RNLS: variants seen among roughly 807,000 people sequenced by gnomAD.
RNLS encodes the protein renalase.
RNLS carries 39 observed loss-of-function variants against 39.8 expected under a neutral mutation model. The ratio of observed to expected loss-of-function variants is 0.98; its 90% CI spans 0.76 to 1.28. The LOEUF is 1.28. Among genes scored for constraint, RNLS ranks in the 50% most tolerant of loss-of-function variants. The pLI is 0.00. For missense variants in RNLS, 410 were observed against 413.3 expected (o/e 0.99, Z 0.07); for synonymous variants, 147 against 150.7 (o/e 0.98, Z 0.18).
chr10:88,461,897 A>G (rs1285383085), intron 4 of RNLS, among the ~76,000 whole-genome samples: 2 of 152,116 alleles, frequency 1.3e-5, no homozygotes, highest in African/African-American at 4.8e-5. Flanking sequence ...AAATTACATC[A>G]TCATGAAAAA....
intron 4 of RNLS, among the ~76,000 whole-genome samples, chr10:88,366,227 C>G (rs916972646): frequency 2.0e-5 from 3 of 152,034 alleles, no homozygotes; most frequent in Non-Finnish European, 2.9e-5. Context: ...TATGTGTTAC[C>G]TCTGAGGATT....
At chr10:88,223,613 C>G in the RNLS span, among the ~76,000 whole-genome samples, 1 of 152,110 alleles carries the variant, frequency 6.6e-6, no homozygotes, top group Non-Finnish European at 1.5e-5. Context: ...ACATGTTGCC[C>G]TTTAAATAAA....
rs192541311 is a variant in RNLS at position 88,489,662 on chromosome 10, G to A, written c.526+83241C>T. 1.2e-3 allele frequency among the ~76,000 whole-genome samples: 188 copies of A among 152,288 alleles called. 1 individual carries two copies. The highest frequency in any genetic ancestry group is 4.3e-3 in the African/African-American group (178 of 41,550). ...CACAAGAACAGATACCTCCTGCAGA[G>A]AGGGCCACATCAATGCATCAGTCCT... On this transcript the variant is annotated intron_variant, in intron 4 of 6. Transcript: ENST00000331772.
At chr10:88,364,340 T>C (rs1849879087) in intron 4 of RNLS, among the ~76,000 whole-genome samples, 1 of 152,154 alleles carries the variant, frequency 6.6e-6, no homozygotes, top group Non-Finnish European at 1.5e-5. Context: ...GGAAAGGGAT[T>C]CAATAAATTA....
chr10:88,217,738 G>GAAAAA, the RNLS span, among the ~76,000 whole-genome samples: 3 of 97,586 alleles, frequency 3.1e-5, no homozygotes, highest in African/African-American at 4.4e-5. Flanking sequence ...GCCTTCAAAT[G>GAAAAA]AAAAAAAAAA....
intron 5 of RNLS, among the ~76,000 whole-genome samples, chr10:88,347,562 T>C (rs1848391960): frequency 6.6e-6 from 1 of 152,150 alleles, no homozygotes; most frequent in African/African-American, 2.4e-5. Context: ...AAGTTCATCC[T>C]AGATATTCCA....
At chr10:88,265,518 G>C in the RNLS span, among the ~76,000 whole-genome samples, 1 of 151,890 alleles carries the variant, frequency 6.6e-6, no homozygotes, top group African/African-American at 2.4e-5. Context: ...TGTTGTCTAT[G>C]ACTTCTTTCA....
intron 4 of RNLS, among the ~76,000 whole-genome samples, chr10:88,406,599 G>A (rs1046243375): frequency 6.6e-6 from 1 of 151,970 alleles, no homozygotes; most frequent in Non-Finnish European, 1.5e-5. Context: ...CTTCTACACT[G>A]CTGGAGGGAA....
At chr10:88,321,037 T>C (rs1037879822) in intron 5 of RNLS, among the ~76,000 whole-genome samples, 8 of 151,844 alleles carry the variant, frequency 5.3e-5, no homozygotes, top group Non-Finnish European at 1.2e-4. Flanking sequence ...TAAAATTGAC[T>C]ATATGATTGG....
At chr10:88,545,380 T>G (rs1306014977) in intron 4 of RNLS, 3 of 448,666 alleles carry the variant, frequency 6.7e-6, no homozygotes, top group Non-Finnish European at 1.3e-5. Context: ...AGAGGTTTAA[T>G]GGACTCACAG....
downstream of RNLS, among the ~76,000 whole-genome samples, chr10:88,279,713 G>A (rs1412464081): frequency 6.6e-6 from 1 of 152,154 alleles, no homozygotes; most frequent in African/African-American, 2.4e-5. Context: ...TTTGCATTCA[G>A]CACATATGGT....
At chr10:88,285,865 G>A (rs75497967) in intron 6 of RNLS, among the ~76,000 whole-genome samples, 6,252 of 152,100 alleles carry the variant, frequency 0.041, 169 homozygotes, top group Non-Finnish European at 0.064. Flanking sequence ...GATATTAGAA[G>A]GTGGGGCATT....
At chr10:88,428,996 A>G (rs560044022) in intron 4 of RNLS, among the ~76,000 whole-genome samples, 1 of 152,032 alleles carries the variant, frequency 6.6e-6, no homozygotes, top group Admixed American at 6.6e-5. Flanking sequence ...AAGGCTTACT[A>G]AGTAATATTC....
the RNLS span, among the ~76,000 whole-genome samples, chr10:88,249,844 C>T: frequency 1.3e-4 from 20 of 152,266 alleles, no homozygotes; most frequent in Middle Eastern, 3.4e-3. Flanking sequence ...CTGTAAGTTG[C>T]GATAGTCCCA....
Position 88,284,516 on chromosome 10 carries a change from T to A in RNLS, c.*838A>T, listed in dbSNP as rs1048105330. The stretch of plus-strand genomic sequence containing the variant: ...TATTTTAAGTGCATCTATTTTCTGG[T>A]TCAGTAAATTTTTTGTTGTGTTAAA... On this transcript the variant is annotated 3_prime_UTR_variant, in exon 7 of 7. Transcript: ENST00000331772. The A allele has an allele frequency of 9.1e-6, 9 of 985,206 alleles. No homozygotes were observed. The highest frequency in any genetic ancestry group is 1.1e-5 in the Non-Finnish European group (9 of 829,906). 61.0% of individuals were successfully genotyped at this position (985,206 alleles called of 1,614,324 possible).
intron 4 of RNLS, among the ~76,000 whole-genome samples, chr10:88,423,489 T>C (rs560779123): frequency 3.9e-5 from 6 of 152,350 alleles, no homozygotes; most frequent in South Asian, 2.1e-4. Context: ...TGAAGGAATA[T>C]TGACCAAGAG....
At chr10:88,499,898 C>G (rs1845377852) in intron 4 of RNLS, among the ~76,000 whole-genome samples, 2 of 152,260 alleles carry the variant, frequency 1.3e-5, no homozygotes, top group East Asian at 3.9e-4. Flanking sequence ...AGTCTAAAGA[C>G]AAGTGTCAAA....
intron 6 of RNLS, among the ~76,000 whole-genome samples, chr10:88,278,759 A>C (rs1468522649): frequency 6.6e-6 from 1 of 152,174 alleles, no homozygotes; most frequent in African/African-American, 2.4e-5. Context: ...TCACCTAATG[A>C]CTTTGAATAG....
chr10:88,497,504 G>C (rs1845234873), intron 4 of RNLS, among the ~76,000 whole-genome samples: 2 of 151,896 alleles, frequency 1.3e-5, no homozygotes, highest in South Asian at 4.1e-4. Context: ...CAAAAAGGGA[G>C]GATAAGTAAA....
Sources: allele counts gnomAD v4.1 joint callset (sites outside exome capture counted in the v4.1 genomes callset), GRCh38; gene constraint gnomAD v4.1.1; transcripts MANE v1.5; gene names NCBI Gene and HGNC (gene_info 2026-07-23, HGNC 2026-07-21).